The following SEPTIN9 variants were observed in gnomAD, a reference collection of about 807,000 sequenced individuals.
SEPTIN9 encodes septin 9.
In SEPTIN9, 13 loss-of-function variants were observed where a neutral mutation model predicts 56.6. That is an observed-to-expected ratio of 0.23 (90% CI 0.15 to 0.37). The LOEUF (loss-of-function observed/expected upper bound fraction) is 0.37, where lower values mean the gene tolerates loss of function less well. Among genes scored for constraint, SEPTIN9 ranks in the 10% least tolerant of loss-of-function variants. The pLI is 1.00. For missense variants in SEPTIN9, 650 were observed against 823.1 expected, an observed-to-expected ratio of 0.79 and a Z score of 2.57; for synonymous variants, 332 against 334.1, an observed-to-expected ratio of 0.99 and a Z score of 0.07.
In SEPTIN9 at chr17:77,475,613, G is replaced by T; in HGVS notation, c.722-6531G>T. ...CTGGATTCAGGGGAGCCTGCAGAGGGAGGGCAGCTGGAGGCTGCTCCAGTG... is the reference window on the plus strand; with the variant it reads ...CTGGATTCAGGGGAGCCTGCAGAGGTAGGGCAGCTGGAGGCTGCTCCAGTG... On this transcript the variant is annotated intron_variant, in intron 3 of 11. Coordinates refer to ENST00000427177, the MANE Select transcript of SEPTIN9 (RefSeq NM_001113491.2). The surrounding 1 kb of genome is among the most constrained non-coding windows in gnomAD (Gnocchi z 4.6). 6.2e-7 allele frequency: 1 copy of T among 1,613,764 alleles called. No homozygotes were observed.
intron 2 of SEPTIN9, chr17:77,373,322 C>T (rs1029886253): frequency 1.4e-4 from 169 of 1,167,100 alleles, no homozygotes; most frequent in Admixed American, 4.7e-4. Context: ...GGGCCGGCGC[C>T]CGCCTTCCTC....
chr17:77,307,013 G>A (rs1269493428), intron 1 of SEPTIN9, 128 bp from the exon 2 acceptor site: 1 of 894,740 alleles, frequency 1.1e-6, no homozygotes, highest in Non-Finnish European at 1.9e-6. Flanking sequence ...GTCCCCAGAT[G>A]GGCCCCGTTT....
chr17:77,342,109 A>G (rs2033753512), intron 2 of SEPTIN9, among the ~76,000 whole-genome samples: 1 of 152,020 alleles, frequency 6.6e-6, no homozygotes, highest in Non-Finnish European at 1.5e-5. Context: ...AAAAGAAAAA[A>G]GAGATCACAG....
chr17:77,337,896 C>T (rs1805944114), intron 2 of SEPTIN9, among the ~76,000 whole-genome samples: 2 of 152,138 alleles, frequency 1.3e-5, no homozygotes, highest in African/African-American at 4.8e-5. Context: ...TTTCCCAGTA[C>T]ATATAAAAGT....
intron 11 of SEPTIN9, 51 bp downstream of exon 11, chr17:77,497,417 C>T: frequency 1.9e-6 from 3 of 1,564,566 alleles, no homozygotes; most frequent in Non-Finnish European, 2.6e-6. Flanking sequence ...CCTAAGAGGG[C>T]CCTACAGCGG....
chr17:77,440,383 G>C (rs982730394), intron 3 of SEPTIN9, among the ~76,000 whole-genome samples: 3 of 152,174 alleles, frequency 2.0e-5, no homozygotes, highest in African/African-American at 7.2e-5. Flanking sequence ...TCGAACTCCC[G>C]ACTTCAGGTG....
In SEPTIN9 at chr17:77,437,867, CCCAGG is replaced by C. The variant is rs1296779205; in HGVS notation, c.721+35169_721+35173del. Among the ~76,000 whole-genome samples the C allele has an allele frequency of 1.3e-5, 2 of 151,982 alleles. No homozygotes were observed. The highest frequency in any genetic ancestry group is 2.9e-5 in the Non-Finnish European group (2 of 67,832). ...GTGCCTCCCGAAGCTTCTCCCTGGC[CCCAGG>C]CCAGAGGTGACAGTGGGGGCCCCTT... On this transcript the variant is annotated intron_variant, in intron 3 of 11. Coordinates refer to ENST00000427177, the MANE Select transcript of SEPTIN9 (RefSeq NM_001113491.2). This position sits in a 1 kb window ranked among gnomAD's most constrained non-coding sequence, Gnocchi z 5.3.
chr17:77,488,978 A>G (rs2039915806), intron 7 of SEPTIN9, 114 bp downstream of exon 7: 2 of 1,376,410 alleles, frequency 1.5e-6, no homozygotes, highest in Middle Eastern at 2.1e-4. Context: ...GGGCTGAGTC[A>G]GGGGCCATGG....
intron 2 of SEPTIN9, among the ~76,000 whole-genome samples, chr17:77,364,527 T>C (rs1248708303): frequency 6.6e-6 from 1 of 152,206 alleles, no homozygotes; most frequent in East Asian, 1.9e-4. Context: ...GAGAGGTTCC[T>C]CTTCTCTCTT....
At chr17:77,486,543 A>G (rs1168509578) in intron 4 of SEPTIN9, among the ~76,000 whole-genome samples, 1 of 140,826 alleles carries the variant, frequency 7.1e-6, no homozygotes, top group Non-Finnish European at 1.5e-5. Context: ...CGCGCGTGTT[A>G]TATGTGATTT....
At chr17:77,462,932 G>A (rs1220519307) in intron 3 of SEPTIN9, among the ~76,000 whole-genome samples, 2 of 152,178 alleles carry the variant, frequency 1.3e-5, no homozygotes, top group African/African-American at 4.8e-5. Context: ...GTGAGCTGCT[G>A]TGCCTAGCCT....
chr17:77,349,189 A>G (rs2033981013), intron 2 of SEPTIN9, among the ~76,000 whole-genome samples: 2 of 151,726 alleles, frequency 1.3e-5, no homozygotes, highest in Non-Finnish European at 2.9e-5. Context: ...CCCAATCTCA[A>G]CTCACCAACC....
intron 2 of SEPTIN9, among the ~76,000 whole-genome samples, chr17:77,391,357 C>T (rs998877394): frequency 1.3e-5 from 2 of 152,120 alleles, no homozygotes; most frequent in African/African-American, 2.4e-5. Flanking sequence ...ACATAGCTTC[C>T]GGCGGCTCCT....
At chr17:77,399,495 GC>G (rs2035833863) in intron 2 of SEPTIN9, among the ~76,000 whole-genome samples, 1 of 152,090 alleles carries the variant, frequency 6.6e-6, no homozygotes, top group South Asian at 2.1e-4. Context: ...ACCGCGGGAG[GC>G]CCTGGGAACC....
In SEPTIN9 at chr17:77,473,369, AGTTT is replaced by A. The variant is rs559558657; in HGVS notation, c.722-8766_722-8763del. Among the ~76,000 whole-genome samples the A allele has an allele frequency of 2.6e-3, 401 of 152,116 alleles. 3 individuals are homozygous for A. Among genetic ancestry groups the A allele is most frequent in the African/African-American group, 9.1e-3 (376 of 41,490 alleles). On this transcript the variant is annotated intron_variant, in intron 3 of 11. Transcript: ENST00000427177. The stretch of plus-strand genomic sequence containing the variant: ...AATTCTGTAAGTTCTCATCACACCA[AGTTT>A]GTTTGTTTTTTTTAATTCTCATTTT...
At chr17:77,464,878 C>T (rs1003120081) in intron 3 of SEPTIN9, among the ~76,000 whole-genome samples, 38 of 152,162 alleles carry the variant, frequency 2.5e-4, no homozygotes, top group African/African-American at 8.7e-4. Flanking sequence ...CAGGCATGAG[C>T]CACTGCGCCC....
intron 1 of SEPTIN9, 109 bp from the exon 2 acceptor site, chr17:77,307,031 TG>T: frequency 9.4e-7 from 1 of 1,060,466 alleles, no homozygotes; most frequent in Non-Finnish European, 1.5e-6. Flanking sequence ...TTTCTGGCTC[TG>T]GAACTCACAG....
intron 3 of SEPTIN9, among the ~76,000 whole-genome samples, chr17:77,444,318 G>A (rs899376285): frequency 3.3e-5 from 5 of 152,178 alleles, no homozygotes; most frequent in Non-Finnish European, 5.9e-5. Flanking sequence ...AGGAGGGAGC[G>A]AGATGGGAGG....
At chr17:77,480,707 G>C (rs1259545533) in intron 3 of SEPTIN9, among the ~76,000 whole-genome samples, 2 of 152,184 alleles carry the variant, frequency 1.3e-5, no homozygotes, top group African/African-American at 4.8e-5. Flanking sequence ...GTGCCCACCG[G>C]TCCCAGGGAA....
Sources: allele counts gnomAD v4.1 joint callset (sites outside exome capture counted in the v4.1 genomes callset), GRCh38; gene constraint gnomAD v4.1.1; non-coding constraint Gnocchi (gnomAD v3.1); transcripts MANE v1.5; gene names NCBI Gene and HGNC (gene_info 2026-07-23, HGNC 2026-07-21).